The following STRN variants were observed in gnomAD, a reference collection of about 807,000 sequenced individuals.
STRN encodes striatin, also known as protein phosphatase 2 regulatory subunit B'''alpha.
Under a neutral mutation model 96.3 loss-of-function variants are expected in STRN, and 53 were observed. The ratio of observed to expected loss-of-function variants is 0.55; its 90% confidence interval spans 0.44 to 0.69. STRN has a LOEUF of 0.69. Ranked by LOEUF, STRN falls within the 30% of genes least tolerant of loss-of-function variation. The probability of loss-of-function intolerance (pLI) is 0.00; values close to 1 mark genes in which losing one functional copy is unlikely to be tolerated. For synonymous variants in STRN, 428 were observed against 355.9 expected (o/e 1.20, Z -2.28); for missense variants, 987 against 963.9 (o/e 1.02, Z -0.32).
chr2:36,851,152 T>C, intron 15 of STRN, 45 bp from the exon 16 acceptor site: 2 of 1,500,182 alleles, frequency 1.3e-6, no homozygotes, highest in East Asian at 2.3e-5. Context: ...GTCAAAGATA[T>C]TTTTCACACA....
chr2:36,880,881 A>C (rs1015655773), intron 9 of STRN, among the ~76,000 whole-genome samples: 9 of 152,176 alleles, frequency 5.9e-5, no homozygotes, highest in Non-Finnish European at 1.3e-4. Context: ...AAAACCTGAA[A>C]ACAAAGGAGG....
At chr2:36,867,146 T>C (rs1309128115) in intron 12 of STRN, among the ~76,000 whole-genome samples, 1 of 152,198 alleles carries the variant, frequency 6.6e-6, no homozygotes, top group Non-Finnish European at 1.5e-5. Context: ...TAATTGTGTT[T>C]CTGTGGTGGC....
chr2:36,965,245 A>C (rs1176469686), intron 1 of STRN, among the ~76,000 whole-genome samples: 2 of 152,228 alleles, frequency 1.3e-5, no homozygotes, highest in Admixed American at 1.3e-4. Context: ...CGTAAAACAG[A>C]AAGGCACAAC....
intron 9 of STRN, among the ~76,000 whole-genome samples, chr2:36,883,080 G>A (rs1669116860): frequency 6.6e-6 from 1 of 152,014 alleles, no homozygotes; most frequent in South Asian, 2.1e-4. Context: ...ATGATTTTAA[G>A]AACACAAAAT....
At chr2:36,910,724 A>G (rs568717466) in intron 3 of STRN, among the ~76,000 whole-genome samples, 1 of 152,322 alleles carries the variant, frequency 6.6e-6, no homozygotes, top group Non-Finnish European at 1.5e-5. Context: ...AGTAGCATTA[A>G]CCTAACCATA....
intron 1 of STRN, among the ~76,000 whole-genome samples, chr2:36,965,414 T>G (rs972696244): frequency 2.0e-5 from 3 of 152,238 alleles, no homozygotes; most frequent in African/African-American, 7.2e-5. Context: ...TCCCTGGATA[T>G]ACTTTATCTT....
intron 7 of STRN, among the ~76,000 whole-genome samples, chr2:36,888,569 C>A (rs1381512260): frequency 1.3e-5 from 2 of 151,856 alleles, no homozygotes; most frequent in African/African-American, 4.8e-5. Context: ...CTCATCACGT[C>A]TTTTACTCAA....
intron 1 of STRN, among the ~76,000 whole-genome samples, chr2:36,945,414 T>C (rs1670954617): frequency 6.6e-6 from 1 of 152,200 alleles, no homozygotes; most frequent in Non-Finnish European, 1.5e-5. Context: ...GCGCCTGTAA[T>C]CCCAGCACTT....
intron 9 of STRN, among the ~76,000 whole-genome samples, chr2:36,882,329 T>C (rs1428224444): frequency 1.3e-5 from 2 of 152,212 alleles, no homozygotes; most frequent in African/African-American, 4.8e-5. Flanking sequence ...AAATATACAT[T>C]AATCATAATT....
chr2:36,895,222 G>A (rs899409516), intron 6 of STRN, among the ~76,000 whole-genome samples: 1 of 151,946 alleles, frequency 6.6e-6, no homozygotes, highest in Non-Finnish European at 1.5e-5. Context: ...AGCTACTCGG[G>A]AGGCTGAGGC....
chr2:36,899,623 T>C lies in STRN; in HGVS notation c.695A>G (p.Asp232Gly), dbSNP rs185231595. 49 of 1,613,398 alleles carry C rather than the reference T, an allele frequency of 3.0e-5. No homozygotes were observed. The East Asian group carries it at 1.0e-3, about 34-fold the overall frequency. Residue 232 changes from aspartate (D) to glycine (G), a missense_variant, in exon 6 of 18, where the codon GAT (aspartate) becomes GGT (glycine). Coordinates refer to ENST00000263918, the MANE Select transcript of STRN (RefSeq NM_003162.4). ...TGCACTTTCAAGGAATTTGAAATTA[T>C]CCAGCACGGAGGCAGAATCTGTTAA... is the stretch of plus-strand genomic sequence containing the variant. ...SELTDSASVL[D>G]NFKFLESAAA...
In STRN at chr2:36,954,821, T is replaced by C. The variant is rs527333216; in HGVS notation, c.234+11409A>G. ...CCCAGCTAATTTTTTGTATTTTTAGTAGAAACGGGGTTTCACCATGTTAGC... is the reference window on the plus strand; with the variant it reads ...CCCAGCTAATTTTTTGTATTTTTAGCAGAAACGGGGTTTCACCATGTTAGC... On this transcript the variant is annotated intron_variant, in intron 1 of 17. Coordinates refer to ENST00000263918, the MANE Select transcript of STRN (RefSeq NM_003162.4). Among the ~76,000 whole-genome samples the C allele has an allele frequency of 7.2e-5, 11 of 152,094 alleles. No homozygotes were observed. In the East Asian group the frequency reaches 2.0e-3, roughly 27 times the overall value.
intron 1 of STRN, among the ~76,000 whole-genome samples, chr2:36,950,031 A>G (rs547514457): frequency 2.6e-5 from 4 of 152,266 alleles, no homozygotes; most frequent in African/African-American, 9.6e-5. Context: ...AAAAAGAGAA[A>G]GACAACAAAG....
chr2:36,947,062 AT>A (rs1447792739), intron 1 of STRN, among the ~76,000 whole-genome samples: 1 of 151,832 alleles, frequency 6.6e-6, no homozygotes, highest in Non-Finnish European at 1.5e-5. Flanking sequence ...GGCCTGGCTA[AT>A]TTTTTTGTAT....
rs139318744 is a variant in STRN, at chr2:36,924,472, T to C, written c.338+633A>G. On this transcript the variant is annotated intron_variant, in intron 2 of 17. Coordinates refer to ENST00000263918, the MANE Select transcript of STRN (RefSeq NM_003162.4). ...TAAATGACAGGAAAAGGAAACACTA[T>C]AGAAATTTCCTTTAAAAATTAAAAA... 2.4e-3 allele frequency among the ~76,000 whole-genome samples: 359 copies of C among 151,742 alleles called. 4 individuals are homozygous for C. The highest frequency in any genetic ancestry group is 8.4e-3 in the African/African-American group (348 of 41,354).
chr2:36,900,779 G>A (rs978009455), intron 5 of STRN, among the ~76,000 whole-genome samples: 2 of 152,028 alleles, frequency 1.3e-5, no homozygotes, highest in African/African-American at 4.8e-5. Flanking sequence ...TGTAGTCTCG[G>A]CTACTCGGGA....
rs938045026 is a variant in STRN at position 36,904,610 on chromosome 2, C to T, written c.491+930G>A. On this transcript the variant is annotated intron_variant, in intron 4 of 17. Coordinates refer to ENST00000263918, the MANE Select transcript of STRN (RefSeq NM_003162.4). ...GGGAGGCCGAGGTGGGGAGATCACT[C>T]GAAGTCAGGAGTTCGAGATCAGCCT... is the stretch of plus-strand genomic sequence containing the variant. Among the ~76,000 whole-genome samples, 6 of 152,150 alleles carry T rather than the reference C, an allele frequency of 3.9e-5. No homozygotes were observed. The South Asian group carries it at 1.0e-3, about 26-fold the overall frequency.
intron 3 of STRN, among the ~76,000 whole-genome samples, chr2:36,909,940 A>G (rs1669920960): frequency 6.6e-6 from 1 of 152,194 alleles, no homozygotes; most frequent in Non-Finnish European, 1.5e-5. Context: ...TGGGAGGCCA[A>G]GGTGGGCAGA....
intron 9 of STRN, 75 bp downstream of exon 9, chr2:36,883,857 A>G: frequency 3.2e-6 from 4 of 1,264,484 alleles, no homozygotes; most frequent in Non-Finnish European, 4.1e-6. Flanking sequence ...CTAATAGGAG[A>G]GGCCTTTCTA....
Sources: gnomAD v4.1 joint callset for allele counts (sites outside exome capture counted in the v4.1 genomes callset) on GRCh38, gnomAD v4.1.1 for gene constraint, MANE v1.5 for transcripts, NCBI Gene and HGNC (gene_info 2026-07-23, HGNC 2026-07-21) for gene names.